PCDHGA1: variants seen among roughly 807,000 people sequenced by gnomAD.
The protein encoded by PCDHGA1 is protocadherin gamma-A1.
Under a neutral mutation model 58.0 loss-of-function variants are expected in PCDHGA1, and 32 were observed. That is an observed-to-expected ratio of 0.55 (90% CI 0.42 to 0.74). The LOEUF (loss-of-function observed/expected upper bound fraction) is 0.74. Ranked by LOEUF, PCDHGA1 falls within the 30% of genes least tolerant of loss-of-function variation. The pLI is 0.00. For synonymous variants in PCDHGA1, 498 were observed against 501.1 expected, an observed-to-expected ratio of 0.99 and a Z score of 0.08; for missense variants, 1,205 against 1,182.3, an observed-to-expected ratio of 1.02 and a Z score of -0.28.
At chr5:141,509,486 A>G (rs1022659275) in intron 3 of PCDHGA1, among the ~76,000 whole-genome samples, 10 of 152,132 alleles carry the variant, frequency 6.6e-5, no homozygotes, top group African/African-American at 2.4e-4. Flanking sequence ...GGTAGAGGTG[A>G]TGGCATGCTG....
At chr5:141,349,492 A>T in intron 1 of PCDHGA1, among the ~76,000 whole-genome samples, 1 of 152,222 alleles carries the variant, frequency 6.6e-6, no homozygotes. Flanking sequence ...CTTTTAACAA[A>T]ATATCAGACT....
rs760680204 is a variant in PCDHGA1, at chr5:141,477,505, CG to C, written c.2422-17301del. ...CACAATCTTCTCAATCTTCCTACGA[CG>C]TTTACATTGAAGAAAACAACCTCCC... On this transcript the variant is annotated intron_variant, in intron 1 of 3. Coordinates refer to ENST00000517417, the MANE Select transcript of PCDHGA1 (RefSeq NM_018912.3). The surrounding 1 kb of genome is among the most constrained non-coding windows in gnomAD (Gnocchi z 4.9). The C allele has an allele frequency of 1.2e-5, 19 of 1,614,008 alleles. No individual in the cohort carries two copies. The highest frequency in any genetic ancestry group is 8.5e-7 in the Non-Finnish European group (1 of 1,180,018).
chr5:141,421,362 C>T (rs2096566609), intron 1 of PCDHGA1: 1 of 1,613,998 alleles, frequency 6.2e-7, no homozygotes, highest in African/African-American at 1.3e-5. Context: ...AGGGCTCCTT[C>T]GTGGGCAATA....
chr5:141,413,388 C>T (rs765673305), intron 1 of PCDHGA1: 39 of 1,614,012 alleles, frequency 2.4e-5, no homozygotes, highest in Non-Finnish European at 3.2e-5. Context: ...TCCGCATAGT[C>T]TCCAGAGGTA....
chr5:141,363,901 T>C (rs1190403839), intron 1 of PCDHGA1, among the ~76,000 whole-genome samples: 2 of 152,240 alleles, frequency 1.3e-5, no homozygotes, highest in African/African-American at 4.8e-5. Context: ...CGATGACGCA[T>C]TAAATAAAAT....
At chr5:141,362,983 T>C (rs1282790095) in intron 1 of PCDHGA1, among the ~76,000 whole-genome samples, 1 of 152,256 alleles carries the variant, frequency 6.6e-6, no homozygotes, top group Admixed American at 6.5e-5. Context: ...GACTTTTGCA[T>C]AATGGCATGG....
chr5:141,498,971 G>GGGAAGGAAGGAAGGAAGGAA (rs201769957), intron 2 of PCDHGA1, among the ~76,000 whole-genome samples: 36 of 111,052 alleles, frequency 3.2e-4, no homozygotes, highest in African/African-American at 9.0e-4. Context: ...GAGGGAGGGA[G>GGGAAGGAAGGAAGGAAGGAA]GGAAGGAAGG....
chr5:141,346,623 C>G lies in PCDHGA1; in HGVS notation c.2421+13518C>G, dbSNP rs535177018. 1.2e-4 allele frequency: 128 copies of G among 1,041,562 alleles called. 2 individuals carry two copies. The South Asian group carries it at 2.1e-3, about 17-fold the overall frequency. 64.5% of individuals were successfully genotyped at this position (1,041,562 alleles called of 1,614,324 possible). A position where few individuals can be genotyped will look rare whatever the true frequency, so the allele number is the denominator to read the frequency against. ...CTGGGCCTATAGTAGGACTGCACTC[C>G]CCGGTCTGGTTATGGTTGAGTGGGC... On this transcript the variant is annotated intron_variant, in intron 1 of 3. Coordinates refer to ENST00000517417, the MANE Select transcript of PCDHGA1 (RefSeq NM_018912.3).
Position 141,341,691 on chromosome 5 carries a change from C to T in PCDHGA1, c.2421+8586C>T, listed in dbSNP as rs1049309704. The T allele has an allele frequency of 4.8e-5, 27 of 560,616 alleles. No homozygotes were observed. In the East Asian group the frequency reaches 8.2e-4, roughly 17 times the overall value. The allele number at this position is 560,616 out of a possible 1,614,324, so 34.7% of individuals were successfully genotyped here. The stretch of plus-strand genomic sequence containing the variant: ...GTTTCTTATACTTTCTTCTCCATCC[C>T]TGGGCAAATCATCTCATCCACCCAG... On this transcript the variant is annotated intron_variant, in intron 1 of 3. Transcript: ENST00000517417.
Position 141,489,111 on chromosome 5 carries a change from C to T in PCDHGA1, c.2422-5696C>T. The T allele has an allele frequency of 1.9e-6, 1 of 518,040 alleles. No individual in the cohort carries two copies. Among genetic ancestry groups the T allele is most frequent in the African/African-American group, 1.9e-5 (1 of 51,336 alleles). The allele number at this position is 518,040 out of a possible 1,614,324, so 32.1% of individuals were successfully genotyped here. ...GTGACTAAGAACTGCTGCAAGCAGG[C>T]AAACCTCCGAGCAGTTTTTAAGAGG... On this transcript the variant is annotated intron_variant, in intron 1 of 3. Transcript: ENST00000517417. This position sits in a 1 kb window ranked among gnomAD's most constrained non-coding sequence, Gnocchi z 4.5.
In PCDHGA1 at chr5:141,432,091, C is replaced by A. The variant is rs370491149; in HGVS notation, c.2422-62716C>A. ...CTCATATCTCGCTGAACGTGGCAGA[C>A]ACCAACGACAACCCGCCGGTCTTCC... On this transcript the variant is annotated intron_variant, in intron 1 of 3. Coordinates refer to ENST00000517417, the MANE Select transcript of PCDHGA1 (RefSeq NM_018912.3). This position sits in a 1 kb window ranked among gnomAD's most constrained non-coding sequence, Gnocchi z 6.0. 6.2e-7 allele frequency: 1 copy of A among 1,614,056 alleles called. No individual in the cohort carries two copies. Among genetic ancestry groups the A allele is most frequent in the African/African-American group, 1.3e-5 (1 of 74,908 alleles).
chr5:141,364,467 G>T (rs776444046), intron 1 of PCDHGA1: 2 of 1,614,004 alleles, frequency 1.2e-6, no homozygotes, highest in Non-Finnish European at 1.7e-6. Context: ...TCCTTCGTCG[G>T]CAACATAGCC....
intron 3 of PCDHGA1, among the ~76,000 whole-genome samples, chr5:141,508,855 C>T (rs2099872444): frequency 6.6e-6 from 1 of 152,020 alleles, no homozygotes; most frequent in Non-Finnish European, 1.5e-5. Flanking sequence ...CATTCCCAGG[C>T]TGGGAAAGGC....
chr5:141,398,936 A>G (rs1377976758), intron 1 of PCDHGA1: 2 of 1,613,962 alleles, frequency 1.2e-6, no homozygotes, highest in South Asian at 2.2e-5. Context: ...ACTGACCAAG[A>G]CGAGGGCATC....
At position 141,381,559 on chromosome 5, in the gene PCDHGA1, A is replaced by G. The variant is rs547767768; in HGVS notation, c.2421+48454A>G. 3.2e-4 allele frequency among the ~76,000 whole-genome samples: 48 copies of G among 152,342 alleles called. No individual in the cohort carries two copies. In the Middle Eastern group the frequency reaches 0.01, roughly 32 times the overall value. ...AGGATGAAGACTTGAATTGAATTGC[A>G]TAATGAAAAGAATCAGCCAATCCAT... On this transcript the variant is annotated intron_variant, in intron 1 of 3. Transcript: ENST00000517417.
chr5:141,394,488 G>A (rs753312224), intron 1 of PCDHGA1: 5 of 1,614,196 alleles, frequency 3.1e-6, no homozygotes, highest in South Asian at 2.2e-5. Flanking sequence ...GAATGACAAC[G>A]CGCCCGAGAT....
intron 1 of PCDHGA1, among the ~76,000 whole-genome samples, chr5:141,446,338 G>T (rs964323259): frequency 6.6e-6 from 1 of 152,128 alleles, no homozygotes; most frequent in African/African-American, 2.4e-5. Flanking sequence ...GGAACTGGAT[G>T]GACAAAGCTA....
chr5:141,343,889 G>C (rs560158905), intron 1 of PCDHGA1: 3 of 677,326 alleles, frequency 4.4e-6, no homozygotes, highest in Admixed American at 6.3e-5. Flanking sequence ...GATCCGGGGC[G>C]GCTGCCAACC....
intron 1 of PCDHGA1, chr5:141,395,547 TGTGTGTGTGTGTGTGTGTGTG>T (rs2093271294): frequency 4.6e-5 from 8 of 174,262 alleles, no homozygotes; most frequent in Non-Finnish European, 8.3e-5. Context: ...ATTGTTTGTG[TGTGTGTGTGTGTGTGTGTGTG>T]TGTGTGTGTG....
Sources: allele counts gnomAD v4.1 joint callset (sites outside exome capture counted in the v4.1 genomes callset), GRCh38; gene constraint gnomAD v4.1.1; non-coding constraint Gnocchi (gnomAD v3.1); transcripts MANE v1.5; gene names NCBI Gene and HGNC (gene_info 2026-07-23, HGNC 2026-07-21).